Variants in SHROOM2 observed in about 807,000 individuals in gnomAD.
SHROOM2 encodes protein Shroom2.
A neutral mutation model predicts 75.9 loss-of-function variants in SHROOM2; 33 were observed. The ratio of observed to expected loss-of-function variants is 0.43; its 90% confidence interval spans 0.33 to 0.58. SHROOM2 has a LOEUF of 0.58. Among genes scored for constraint, SHROOM2 ranks in the 20% least tolerant of loss-of-function variants. The probability of loss-of-function intolerance (pLI) is 0.04; values close to 1 mark genes in which losing one functional copy is unlikely to be tolerated. For missense variants in SHROOM2, 1,434 were observed against 1,461.2 expected (o/e 0.98, Z 0.30); for synonymous variants, 655 against 663.6 (o/e 0.99, Z 0.20).
intron 8 of SHROOM2, among the ~76,000 whole-genome samples, chrX:9,940,537 G>T (rs3788951): frequency 0.21 from 23,310 of 110,920 alleles, 2,411 homozygotes; most frequent in African/African-American, 0.39. Context: ...GCAAGTGTGA[G>T]TTGGGCACCT....
chrX:9,940,601 C>T (rs976574050), intron 8 of SHROOM2, among the ~76,000 whole-genome samples: 1 of 112,233 alleles, frequency 8.9e-6, no homozygotes, highest in African/African-American at 3.2e-5. Context: ...GATGACTCAG[C>T]GGTCCTGTTT....
chrX:9,937,096 G>A (rs919908517), intron 6 of SHROOM2, 38 bp from the exon 7 acceptor site: 3 of 1,135,742 alleles, frequency 2.6e-6, no homozygotes, highest in Admixed American at 5.2e-5. Context: ...TGTGGCTGGA[G>A]CATGCTTTGC....
At chrX:9,889,646 G>A (rs1178103346) in intron 2 of SHROOM2, among the ~76,000 whole-genome samples, 2 of 112,267 alleles carry the variant, frequency 1.8e-5, no homozygotes, top group Admixed American at 9.4e-5. Context: ...ATGGGATGGT[G>A]GGGACTGTGG....
At chrX:9,946,078 A>G (rs2084815730) in intron 9 of SHROOM2, among the ~76,000 whole-genome samples, 1 of 112,839 alleles carries the variant, frequency 8.9e-6, no homozygotes, top group Non-Finnish European at 1.9e-5. Context: ...GGAACTAGCT[A>G]GGTCAGGGTG....
At chrX:9,851,897 G>A (rs1054114064) in intron 1 of SHROOM2, among the ~76,000 whole-genome samples, 14 of 112,023 alleles carry the variant, frequency 1.2e-4, no homozygotes, top group Admixed American at 1.1e-3. Flanking sequence ...ATTGTTGACC[G>A]TTTAAACTGG....
At chrX:9,814,875 G>A (rs977528058) in intron 1 of SHROOM2, among the ~76,000 whole-genome samples, 6 of 111,787 alleles carry the variant, frequency 5.4e-5, no homozygotes, top group African/African-American at 2.0e-4. Flanking sequence ...GGCTGTGCAT[G>A]CATCTTTCAT....
At chrX:9,829,205 G>C (rs900424877) in intron 1 of SHROOM2, among the ~76,000 whole-genome samples, 13 of 111,490 alleles carry the variant, frequency 1.2e-4, no homozygotes, top group Admixed American at 9.5e-4. Context: ...TGTATTTTTA[G>C]TAGAGGCGGG....
At chrX:9,854,626 C>A (rs1345815319) in intron 1 of SHROOM2, among the ~76,000 whole-genome samples, 1 of 112,266 alleles carries the variant, frequency 8.9e-6, no homozygotes, top group Non-Finnish European at 1.9e-5. Context: ...CCTGAGTTTG[C>A]TTTTCTGTAA....
chrX:9,880,272 A>T (rs930485731), intron 2 of SHROOM2, among the ~76,000 whole-genome samples: 4 of 112,430 alleles, frequency 3.6e-5, no homozygotes, highest in African/African-American at 1.3e-4. Context: ...CCAGTGTGCC[A>T]CTCGCCCTTG....
intron 5 of SHROOM2, among the ~76,000 whole-genome samples, chrX:9,919,625 C>T (rs948008204): frequency 1.8e-5 from 2 of 110,317 alleles, no homozygotes; most frequent in Admixed American, 9.8e-5. Context: ...CCACCGCACC[C>T]GGCCCCGCAT....
chrX:9,857,997 G>A (rs1042471049), intron 1 of SHROOM2, among the ~76,000 whole-genome samples: 1 of 111,332 alleles, frequency 9.0e-6, no homozygotes. Context: ...CAGCCTCTGC[G>A]AGCGCTGGCG....
chrX:9,830,857 G>A (rs761659775), intron 1 of SHROOM2, among the ~76,000 whole-genome samples: 10 of 110,767 alleles, frequency 9.0e-5, no homozygotes, highest in Non-Finnish European at 1.7e-4. Context: ...TGCCCGTCTC[G>A]GCCTCCCAAA....
chrX:9,790,233 T>C (rs192852365), intron 1 of SHROOM2, among the ~76,000 whole-genome samples: 44 of 111,281 alleles, frequency 4.0e-4, no homozygotes, highest in African/African-American at 1.4e-3. Flanking sequence ...ACCTTACTTA[T>C]TGGTTTGGAA....
chrX:9,858,683 T>C, intron 1 of SHROOM2, among the ~76,000 whole-genome samples: 1 of 111,423 alleles, frequency 9.0e-6, no homozygotes, highest in Non-Finnish European at 1.9e-5. Flanking sequence ...TGGGCACCTG[T>C]AGTCCCAGCT....
intron 9 of SHROOM2, among the ~76,000 whole-genome samples, chrX:9,946,244 G>A (rs1374650184): frequency 1.8e-5 from 2 of 112,851 alleles, no homozygotes; most frequent in Non-Finnish European, 3.8e-5. Context: ...AATTCCTCTC[G>A]AGTCCACCCA....
At chrX:9,813,643 T>TTGA (rs768129284) in intron 1 of SHROOM2, among the ~76,000 whole-genome samples, 7 of 111,671 alleles carry the variant, frequency 6.3e-5, no homozygotes, top group Non-Finnish European at 1.3e-4. Context: ...AGTCTGGAAA[T>TTGA]TGATTGAGGG....
intron 1 of SHROOM2, among the ~76,000 whole-genome samples, chrX:9,824,796 G>C (rs1417464679): frequency 9.0e-6 from 1 of 111,486 alleles, no homozygotes; most frequent in Non-Finnish European, 1.9e-5. Context: ...CAGGGTCTTA[G>C]CTGGGCTGGG....
chrX:9,946,570 T>C (rs1384166381), intron 9 of SHROOM2, 101 bp from the exon 10 acceptor site: 63 of 788,627 alleles, frequency 8.0e-5, no homozygotes, highest in Non-Finnish European at 1.1e-4. Flanking sequence ...TTTCCATCGA[T>C]AAGTTGTGGG....
chrX:9,805,242 C>CAAAAAAT (rs2083745059), intron 1 of SHROOM2, among the ~76,000 whole-genome samples: 1 of 111,100 alleles, frequency 9.0e-6, no homozygotes, highest in Admixed American at 9.6e-5. Flanking sequence ...GAGACTGTCT[C>CAAAAAAT]AAAAAATAAA....
Sources: allele counts gnomAD v4.1 joint callset (sites outside exome capture counted in the v4.1 genomes callset), GRCh38; gene constraint gnomAD v4.1.1; transcripts MANE v1.5; gene names NCBI Gene and HGNC (gene_info 2026-07-23, HGNC 2026-07-21).